Variants in L3MBTL3 observed in about 807,000 individuals in gnomAD.
The protein encoded by L3MBTL3 is L3MBTL histone methyl-lysine binding protein 3.
A neutral mutation model predicts 102.3 loss-of-function variants in L3MBTL3; 27 were observed. The observed-to-expected ratio is 0.26, with a 90% CI of 0.19 to 0.36. The LOEUF is 0.36. Among genes scored for constraint, L3MBTL3 ranks in the 10% least tolerant of loss-of-function variants. The probability of loss-of-function intolerance (pLI) is 1.00; values close to 1 mark genes in which losing one functional copy is unlikely to be tolerated. For synonymous variants in L3MBTL3, 340 were observed against 320.9 expected (o/e 1.06, Z -0.64); for missense variants, 798 against 955.3 (o/e 0.84, Z 2.17).
chr6:130,034,502 A>G (rs1779924529), intron 2 of L3MBTL3, among the ~76,000 whole-genome samples: 1 of 152,174 alleles, frequency 6.6e-6, no homozygotes, highest in South Asian at 2.1e-4. Flanking sequence ...TTGTTCGCAC[A>G]ATGTGTCTGA....
intron 20 of L3MBTL3, among the ~76,000 whole-genome samples, chr6:130,121,266 C>T (rs1786167574): frequency 1.3e-5 from 2 of 152,072 alleles, no homozygotes; most frequent in Non-Finnish European, 2.9e-5. Flanking sequence ...CTGTCCTTTC[C>T]TTCTTCGTGT....
intron 19 of L3MBTL3, among the ~76,000 whole-genome samples, chr6:130,107,792 G>C (rs1785079799): frequency 6.6e-6 from 1 of 152,188 alleles, no homozygotes; most frequent in South Asian, 2.1e-4. Flanking sequence ...GTAGAAAGTT[G>C]ATGCAACTAA....
intron 1 of L3MBTL3, among the ~76,000 whole-genome samples, 156 bp downstream of exon 1, chr6:130,018,820 AG>A (rs1221402258): frequency 3.3e-5 from 5 of 152,032 alleles, no homozygotes; most frequent in Admixed American, 2.0e-4. Context: ...AGGGGAGGGG[AG>A]GGACAGAAGG....
chr6:130,087,862 A>G (rs1028247975), intron 16 of L3MBTL3, among the ~76,000 whole-genome samples: 10 of 152,102 alleles, frequency 6.6e-5, no homozygotes, highest in Admixed American at 6.5e-4. Context: ...TTACAAGCAT[A>G]CATATATAAG....
intron 13 of L3MBTL3, 90 bp downstream of exon 13, chr6:130,071,217 A>C: frequency 8.4e-7 from 1 of 1,184,166 alleles, no homozygotes; most frequent in Non-Finnish European, 1.2e-6. Context: ...GCTTATAACA[A>C]AAAAAAGCAG....
chr6:130,084,017 C>T (rs544415464), intron 15 of L3MBTL3, among the ~76,000 whole-genome samples: 2 of 152,088 alleles, frequency 1.3e-5, no homozygotes, highest in African/African-American at 4.8e-5. Context: ...GCTAGATGTT[C>T]TAAAAGACCA....
At chr6:130,082,946 G>C (rs1267294886) in intron 14 of L3MBTL3, among the ~76,000 whole-genome samples, 1 of 152,082 alleles carries the variant, frequency 6.6e-6, no homozygotes, top group Admixed American at 6.5e-5. Context: ...TGATATATTT[G>C]CTGCTTTTCT....
chr6:130,069,371 T>C (rs1455191249), intron 12 of L3MBTL3, among the ~76,000 whole-genome samples: 2 of 152,160 alleles, frequency 1.3e-5, no homozygotes, highest in Non-Finnish European at 2.9e-5. Flanking sequence ...AATCCTTCAT[T>C]TGGGAAACAG....
chr6:130,090,850 G>A (rs988039428), intron 16 of L3MBTL3, among the ~76,000 whole-genome samples: 1 of 152,090 alleles, frequency 6.6e-6, no homozygotes, highest in Non-Finnish European at 1.5e-5. Flanking sequence ...GCCTCCCAAA[G>A]TGCTGGGATT....
chr6:130,118,327 A>G (rs2115471470), intron 19 of L3MBTL3, among the ~76,000 whole-genome samples: 1 of 152,328 alleles, frequency 6.6e-6, no homozygotes, highest in East Asian at 1.9e-4. Context: ...AATATGGGGC[A>G]TGTAAAAAGC....
chr6:130,038,884 G>C (rs917129730), intron 2 of L3MBTL3, among the ~76,000 whole-genome samples: 2 of 152,012 alleles, frequency 1.3e-5, no homozygotes, highest in African/African-American at 2.4e-5. Context: ...TCAGAAATAG[G>C]CTTAATAATA....
intron 19 of L3MBTL3, among the ~76,000 whole-genome samples, chr6:130,107,610 C>CT (rs150762239): frequency 0.015 from 2,244 of 152,280 alleles, 26 homozygotes; most frequent in Middle Eastern, 0.048. Context: ...AGGTGCTATA[C>CT]TTGGTGTCCC....
At chr6:130,058,465 C>T (rs887808008) in intron 9 of L3MBTL3, among the ~76,000 whole-genome samples, 6 of 149,350 alleles carry the variant, frequency 4.0e-5, no homozygotes, top group Admixed American at 2.0e-4. Context: ...TAGTGAGACT[C>T]GGCCTCTAAA....
At chr6:130,107,079 G>A (rs1572292) in intron 19 of L3MBTL3, among the ~76,000 whole-genome samples, 9,666 of 152,240 alleles carry the variant, frequency 0.063, 473 homozygotes, top group Admixed American at 0.14. Context: ...TCAGCCAGGA[G>A]TGAGAAGCAG....
intron 22 of L3MBTL3, among the ~76,000 whole-genome samples, chr6:130,139,118 G>T (rs1053068723): frequency 3.3e-5 from 5 of 151,638 alleles, no homozygotes; most frequent in African/African-American, 1.2e-4. Flanking sequence ...GGCCACACTA[G>T]AGATAAGTGT....
rs1015947505 is a variant in L3MBTL3 at position 130,018,630 on chromosome 6, G to T, written c.-129G>T. Reference sequence around the variant, plus strand: ...CCTGGACCATTTGTCAGGACTACTCGTGAGACGGAGAAAAAAAAAAGAGAA... The same window carrying T: ...CCTGGACCATTTGTCAGGACTACTCTTGAGACGGAGAAAAAAAAAAGAGAA... On this transcript the variant is annotated 5_prime_UTR_variant, in exon 1 of 23. Coordinates refer to ENST00000361794, the MANE Select transcript of L3MBTL3 (RefSeq NM_032438.4). The T allele has an allele frequency of 6.5e-6, 1 of 153,250 alleles. No individual in the cohort carries two copies. The highest frequency in any genetic ancestry group is 1.5e-5 in the Non-Finnish European group (1 of 68,222). 9.5% of individuals were successfully genotyped at this position (153,250 alleles called of 1,614,324 possible).
chr6:130,033,350 C>T (rs776493149), intron 2 of L3MBTL3, among the ~76,000 whole-genome samples: 1 of 151,778 alleles, frequency 6.6e-6, no homozygotes, highest in Non-Finnish European at 1.5e-5. Context: ...TGACAGTTAA[C>T]GGTTAGTGAG....
At chr6:130,139,072 T>C (rs1788028923) in intron 22 of L3MBTL3, among the ~76,000 whole-genome samples, 1 of 133,460 alleles carries the variant, frequency 7.5e-6, no homozygotes, top group Non-Finnish European at 1.6e-5. Context: ...GCCCCGTTAG[T>C]AAATGCTTTT....
chr6:130,053,035 T>TA (rs1418159989), intron 7 of L3MBTL3, 44 bp downstream of exon 7: 1 of 1,445,352 alleles, frequency 6.9e-7, no homozygotes, highest in African/African-American at 1.4e-5. Flanking sequence ...GATGCATCTT[T>TA]AGTGGGTAGC....
Sources: allele counts gnomAD v4.1 joint callset (sites outside exome capture counted in the v4.1 genomes callset), GRCh38; gene constraint gnomAD v4.1.1; transcripts MANE v1.5; gene names NCBI Gene and HGNC (gene_info 2026-07-23, HGNC 2026-07-21).